The following DENND4C variants were observed in gnomAD, a reference collection of about 807,000 sequenced individuals.
The protein encoded by DENND4C is DENN domain-containing protein 4C.
Under a neutral mutation model 203.0 loss-of-function variants are expected in DENND4C, and 108 were observed. That is an observed-to-expected ratio of 0.53 (90% CI 0.46 to 0.62). The LOEUF (loss-of-function observed/expected upper bound fraction) is 0.62, where lower values mean the gene tolerates loss of function less well. DENND4C is among the 20% of genes least tolerant of loss of function. The pLI is 0.00. For synonymous variants in DENND4C, 871 were observed against 792.4 expected, an observed-to-expected ratio of 1.10 and a Z score of -1.67; for missense variants, 2,481 against 2,301.2, an observed-to-expected ratio of 1.08 and a Z score of -1.60.
At chr9:19,334,410 C>T (rs1819960073) in intron 17 of DENND4C, among the ~76,000 whole-genome samples, 1 of 151,648 alleles carries the variant, frequency 6.6e-6, no homozygotes, top group South Asian at 2.1e-4. Flanking sequence ...TAGTCTTTCT[C>T]TTTGTATAGA....
chr9:19,364,587 A>T (rs1358454680), intron 30 of DENND4C, among the ~76,000 whole-genome samples: 1 of 152,204 alleles, frequency 6.6e-6, no homozygotes, highest in African/African-American at 2.4e-5. Context: ...GCTCCAGAGC[A>T]GTGGCTTAGA....
rs1819941373 is a variant in DENND4C, at chr9:19,334,337, T to C, written c.2461-640T>C. On this transcript the variant is annotated intron_variant, in intron 17 of 32. Coordinates refer to ENST00000434457, the MANE Select transcript of DENND4C (RefSeq NM_001330640.2). ...AAATTCTGGGATTACAGGCATGAGC[T>C]ACTGCTCCCGGCCTCTATCCTTGAT... Among the ~76,000 whole-genome samples the C allele has an allele frequency of 2.6e-5, 4 of 152,040 alleles. No individual in the cohort carries two copies. The South Asian group carries it at 8.3e-4, about 31-fold the overall frequency.
rs916566121 is a variant in DENND4C at position 19,360,319 on chromosome 9, C to G, written c.5236C>G (p.Leu1746Val). 3 of 1,613,908 alleles carry G rather than the reference C, an allele frequency of 1.9e-6. No individual in the cohort carries two copies. Among genetic ancestry groups the G allele is most frequent in the African/African-American group, 1.3e-5 (1 of 74,902 alleles). Residue 1746 changes from leucine to valine, a missense_variant, in exon 29 of 33, where the codon CTT becomes GTT. Around this residue, in one of 3 missense-constraint regions of DENND4C, gnomAD observed 2,289 missense variants for 2,113.3 expected, o/e 1.08. Transcript: ENST00000434457. Reference protein sequence around the residue: ...YLSPLVLRKELESLLENEGDQ... With the variant: ...YLSPLVLRKEVESLLENEGDQ... ...GAGTCCTCTAGTACTCCGTAAAGAA[C>G]TTGAATCTTTGCTAGAAAATGAAGG... is the stretch of plus-strand genomic sequence containing the variant.
chr9:19,351,602 T>A (rs1182256718), intron 24 of DENND4C, among the ~76,000 whole-genome samples: 3 of 150,658 alleles, frequency 2.0e-5, no homozygotes, highest in Non-Finnish European at 3.0e-5. Flanking sequence ...AGCTCAGGAG[T>A]TCAAGACCAG....
At chr9:19,333,019 T>G (rs145248673) in intron 17 of DENND4C, among the ~76,000 whole-genome samples, 161 of 150,196 alleles carry the variant, frequency 1.1e-3, no homozygotes, top group African/African-American at 3.7e-3. Flanking sequence ...AAAAATATAT[T>G]TTTTATTTAT....
intron 5 of DENND4C, among the ~76,000 whole-genome samples, chr9:19,295,659 G>C (rs1193957962): frequency 2.2e-5 from 3 of 135,350 alleles, no homozygotes; most frequent in African/African-American, 8.8e-5. Flanking sequence ...GACTGAGTGA[G>C]ACTCCATCTC....
intron 10 of DENND4C, among the ~76,000 whole-genome samples, chr9:19,314,493 A>T (rs923472171): frequency 8.5e-5 from 13 of 152,072 alleles, no homozygotes; most frequent in Admixed American, 6.5e-4. Flanking sequence ...GGTGCACCTA[A>T]ATCTCAGAAA....
At chr9:19,334,256 G>A (rs1245066897) in intron 17 of DENND4C, among the ~76,000 whole-genome samples, 1 of 151,990 alleles carries the variant, frequency 6.6e-6, no homozygotes. Flanking sequence ...TCACTGTGTT[G>A]GCCAGGCTGA....
chr9:19,244,688 G>A (rs1254505244), intron 1 of DENND4C, among the ~76,000 whole-genome samples: 8 of 150,842 alleles, frequency 5.3e-5, no homozygotes, highest in East Asian at 2.0e-4. Context: ...TGCAGTGAGC[G>A]GAGATCGTGC....
intron 12 of DENND4C, among the ~76,000 whole-genome samples, chr9:19,320,994 A>T (rs746958204): frequency 1.3e-5 from 2 of 152,248 alleles, no homozygotes; most frequent in Non-Finnish European, 2.9e-5. Flanking sequence ...AGAGAAAACC[A>T]TGTTTGAAAT....
intron 6 of DENND4C, 89 bp from the exon 7 acceptor site, chr9:19,297,967 A>G (rs1210114904): frequency 2.0e-6 from 2 of 1,012,074 alleles, no homozygotes; most frequent in East Asian, 2.7e-5. Context: ...CATATCTGGG[A>G]TGATATATAG....
chr9:19,256,792 C>T (rs906511223), intron 1 of DENND4C, among the ~76,000 whole-genome samples: 22 of 151,772 alleles, frequency 1.4e-4, no homozygotes, highest in African/African-American at 4.8e-4. Context: ...AAAACAAGGC[C>T]GGGTGCAGTG....
intron 5 of DENND4C, among the ~76,000 whole-genome samples, chr9:19,293,639 G>A (rs1295677034): frequency 6.6e-6 from 1 of 152,166 alleles, no homozygotes; most frequent in Non-Finnish European, 1.5e-5. Flanking sequence ...TAAGGAATGG[G>A]CAGATCAGAG....
At chr9:19,304,243 G>C (rs1794596364) in intron 9 of DENND4C, among the ~76,000 whole-genome samples, 1 of 148,640 alleles carries the variant, frequency 6.7e-6, no homozygotes, top group South Asian at 2.1e-4. Flanking sequence ...GGAGTGCAGT[G>C]GTGCAAACTC....
In DENND4C at chr9:19,293,582, C is replaced by T. The variant is rs143073524; in HGVS notation, c.802-2426C>T. 5.4e-3 allele frequency among the ~76,000 whole-genome samples: 821 copies of T among 151,942 alleles called. 5 individuals are homozygous for T. Among genetic ancestry groups the T allele is most frequent in the Non-Finnish European group, 8.3e-3 (563 of 67,960 alleles). ...AAAACACAGAGGTAAGGATTGATTG[C>T]TGGGAGAAGGGGATGGGTATAGTGA... On this transcript the variant is annotated intron_variant, in intron 5 of 32. Coordinates refer to ENST00000434457, the MANE Select transcript of DENND4C (RefSeq NM_001330640.2).
intron 1 of DENND4C, among the ~76,000 whole-genome samples, chr9:19,260,328 A>G (rs1267973170): frequency 2.0e-5 from 3 of 151,762 alleles, no homozygotes; most frequent in Non-Finnish European, 4.4e-5. Flanking sequence ...CTGGATTATT[A>G]GATTTTTTTC....
At chr9:19,287,889 C>T (rs115783938) in intron 3 of DENND4C, among the ~76,000 whole-genome samples, 3,175 of 152,264 alleles carry the variant, frequency 0.021, 118 homozygotes, top group African/African-American at 0.072. Context: ...TGCGCCACTA[C>T]GCCCACCTAA....
At chr9:19,319,253 A>ATATGTATAAACATATATAG (rs1491112001) in intron 12 of DENND4C, among the ~76,000 whole-genome samples, 2 of 146,238 alleles carry the variant, frequency 1.4e-5, no homozygotes, top group Non-Finnish European at 3.0e-5. Flanking sequence ...ATATATAAAC[A>ATATGTATAAACATATATAG]TATGTATAAA....
At chr9:19,329,372 C>T (rs1318577438) in intron 16 of DENND4C, among the ~76,000 whole-genome samples, 2 of 152,146 alleles carry the variant, frequency 1.3e-5, no homozygotes, top group Admixed American at 6.6e-5. Flanking sequence ...GATTCATCCA[C>T]GTAGCAGCAT....
Sources: gnomAD v4.1 joint callset for allele counts (sites outside exome capture counted in the v4.1 genomes callset) on GRCh38, gnomAD v4.1.1 for gene constraint, gnomAD v4.1.1 regional missense constraint, MANE v1.5 for transcripts, NCBI Gene and HGNC (gene_info 2026-07-23, HGNC 2026-07-21) for gene names.